The following HEMK2 variants were observed in gnomAD, a reference collection of about 807,000 sequenced individuals.
HEMK2 encodes the protein methyltransferase HEMK2.
chr21:28,744,600 T>C, the HEMK2 span, among the ~76,000 whole-genome samples: 2 of 152,216 alleles, frequency 1.3e-5, no homozygotes, highest in Non-Finnish European at 2.9e-5. Context: ...TATCCACTAA[T>C]TTATGATTTC....
chr21:28,883,874 C>T, the HEMK2 span, among the ~76,000 whole-genome samples: 1 of 152,180 alleles, frequency 6.6e-6, no homozygotes, highest in African/African-American at 2.4e-5. Context: ...TAGGCACGAA[C>T]CACAGTGCCA....
chr21:28,789,022 C>A, the HEMK2 span, among the ~76,000 whole-genome samples: 2 of 152,096 alleles, frequency 1.3e-5, no homozygotes, highest in African/African-American at 4.8e-5. Flanking sequence ...ATTCTCCCTG[C>A]AACCCCCTAA....
the HEMK2 span, among the ~76,000 whole-genome samples, chr21:28,581,440 A>C: frequency 6.6e-6 from 1 of 152,274 alleles, no homozygotes; most frequent in East Asian, 1.9e-4. Context: ...GGGCAGAAGG[A>C]GTCTGGACTG....
At chr21:28,766,249 C>A in the HEMK2 span, among the ~76,000 whole-genome samples, 1 of 151,764 alleles carries the variant, frequency 6.6e-6, no homozygotes, top group East Asian at 1.9e-4. Context: ...CACATGTATA[C>A]CCATGTAACA....
chr21:28,644,636 T>C, the HEMK2 span, among the ~76,000 whole-genome samples: 1 of 152,210 alleles, frequency 6.6e-6, no homozygotes, highest in South Asian at 2.1e-4. Context: ...CAAAACAAAG[T>C]ATTAAATTCT....
At chr21:28,706,668 G>A in the HEMK2 span, among the ~76,000 whole-genome samples, 2 of 152,060 alleles carry the variant, frequency 1.3e-5, no homozygotes, top group Non-Finnish European at 2.9e-5. Flanking sequence ...TTCCCTTCAT[G>A]AACGTTATCA....
At chr21:28,604,569 A>C in the HEMK2 span, among the ~76,000 whole-genome samples, 1 of 152,146 alleles carries the variant, frequency 6.6e-6, no homozygotes, top group East Asian at 1.9e-4. Flanking sequence ...AGAAATGTCT[A>C]TTTTATTCCA....
chr21:28,622,790 A>T, the HEMK2 span, among the ~76,000 whole-genome samples: 2 of 152,144 alleles, frequency 1.3e-5, no homozygotes, highest in African/African-American at 2.4e-5. Flanking sequence ...GATGCAGAAT[A>T]CTGAAACTGG....
At chr21:28,838,156 A>G in the HEMK2 span, among the ~76,000 whole-genome samples, 63 of 152,320 alleles carry the variant, frequency 4.1e-4, no homozygotes, top group African/African-American at 1.5e-3. Flanking sequence ...ATTTCACAAG[A>G]TAAAGAAAGA....
chr21:28,878,321 C>T, the HEMK2 span: 60 of 1,613,322 alleles, frequency 3.7e-5, no homozygotes, highest in Non-Finnish European at 5.0e-5. Flanking sequence ...GCCTCTATTC[C>T]GTGACTTCCT....
the HEMK2 span, among the ~76,000 whole-genome samples, chr21:28,580,084 T>C: frequency 6.6e-6 from 1 of 152,162 alleles, no homozygotes; most frequent in African/African-American, 2.4e-5. Flanking sequence ...TTGTCAAAAG[T>C]GAACACCATC....
the HEMK2 span, among the ~76,000 whole-genome samples, chr21:28,605,627 C>T: frequency 2.0e-5 from 3 of 152,038 alleles, no homozygotes; most frequent in Admixed American, 6.6e-5. Context: ...AATGGCCAGT[C>T]CAAATTTCCT....
At chr21:28,683,588 C>T in the HEMK2 span, among the ~76,000 whole-genome samples, 1 of 152,286 alleles carries the variant, frequency 6.6e-6, no homozygotes, top group African/African-American at 2.4e-5. Flanking sequence ...ACAATGTTTA[C>T]ACACCTAGTC....
chr21:28,576,453 G>T, the HEMK2 span, among the ~76,000 whole-genome samples: 1 of 100,486 alleles, frequency 1.0e-5, no homozygotes, highest in Admixed American at 9.5e-5. Context: ...ATTGAGATTT[G>T]GAATTTTTAA....
At chr21:28,799,286 G>C in the HEMK2 span, among the ~76,000 whole-genome samples, 8 of 152,288 alleles carry the variant, frequency 5.3e-5, no homozygotes, top group South Asian at 2.1e-4. Context: ...CAAGAGAAGA[G>C]AGCTTCTGCA....
At chr21:28,828,260 A>G in the HEMK2 span, among the ~76,000 whole-genome samples, 1 of 152,202 alleles carries the variant, frequency 6.6e-6, no homozygotes, top group Non-Finnish European at 1.5e-5. Context: ...CCCGTGACAC[A>G]GTAAGTAAGG....
At chr21:28,867,335 T>A in the HEMK2 span, among the ~76,000 whole-genome samples, 2 of 152,212 alleles carry the variant, frequency 1.3e-5, no homozygotes, top group Non-Finnish European at 2.9e-5. Flanking sequence ...CACAAAAATA[T>A]TAAGCAGAAA....
At chr21:28,677,572 G>A in the HEMK2 span, among the ~76,000 whole-genome samples, 14 of 152,344 alleles carry the variant, frequency 9.2e-5, no homozygotes, top group East Asian at 2.7e-3. Context: ...CACGCAGCTG[G>A]AGATCTGAGA....
At chr21:28,677,366 G>T in the HEMK2 span, among the ~76,000 whole-genome samples, 1 of 152,242 alleles carries the variant, frequency 6.6e-6, no homozygotes, top group Non-Finnish European at 1.5e-5. Context: ...GTCCACCATT[G>T]CCGAGGCTTG....
Sources: gnomAD v4.1 joint callset for allele counts (sites outside exome capture counted in the v4.1 genomes callset) on GRCh38, gnomAD v4.1.1 for gene constraint, MANE v1.5 for transcripts, NCBI Gene and HGNC (gene_info 2026-07-23, HGNC 2026-07-21) for gene names.